The following FAM227B variants were observed in gnomAD, a reference collection of about 807,000 sequenced individuals.
FAM227B encodes family with sequence similarity 227 member B.
A neutral mutation model predicts 73.8 loss-of-function variants in FAM227B; 88 were observed. The ratio of observed to expected loss-of-function variants is 1.19; its 90% confidence interval spans 1.00 to 1.42. The LOEUF is 1.42. Among genes scored for constraint, FAM227B ranks in the 40% most tolerant of loss-of-function variants. The pLI, the probability that FAM227B is intolerant of heterozygous loss-of-function variation, is 0.00. For synonymous variants in FAM227B, 210 were observed against 190.5 expected, an observed-to-expected ratio of 1.10 and a Z score of -0.84; for missense variants, 632 against 590.9, an observed-to-expected ratio of 1.07 and a Z score of -0.72.
chr15:49,574,785 T>C, intron 8 of FAM227B: 1 of 272,222 alleles, frequency 3.7e-6, no homozygotes, highest in Admixed American at 5.0e-5. Context: ...ATATAATATA[T>C]GAAGTCTAAT....
At chr15:49,579,904 A>G (rs2075704054) in intron 5 of FAM227B, among the ~76,000 whole-genome samples, 1 of 152,190 alleles carries the variant, frequency 6.6e-6, no homozygotes, top group Non-Finnish European at 1.5e-5. Context: ...GTAAATAGGT[A>G]CAATGATTAT....
chr15:49,564,817 A>C (rs1298434216), intron 9 of FAM227B, among the ~76,000 whole-genome samples: 1 of 151,990 alleles, frequency 6.6e-6, no homozygotes, highest in Non-Finnish European at 1.5e-5. Context: ...AGATGAGAAC[A>C]ATAGACACTG....
At chr15:49,489,917 G>C (rs76227305) in intron 11 of FAM227B, among the ~76,000 whole-genome samples, 2 of 23,224 alleles carry the variant, frequency 8.6e-5, no homozygotes, top group Admixed American at 1.0e-3. Flanking sequence ...GAGAGAGACA[G>C]AGAGAGAGAC....
intron 10 of FAM227B, among the ~76,000 whole-genome samples, chr15:49,514,807 T>A (rs541518537): frequency 9.2e-5 from 14 of 152,154 alleles, no homozygotes; most frequent in Non-Finnish European, 1.6e-4. Flanking sequence ...ATGCTTTTGA[T>A]GTCTTAGCTA....
chr15:49,381,732 C>T lies in FAM227B; in HGVS notation c.1013-10333G>A, dbSNP rs182942218. On this transcript the variant is annotated intron_variant, in intron 11 of 15. Transcript: ENST00000299338. ...GTAAATATTAGAATGAGGAAGACAA[C>T]ACTAATTGTTTTTTGTTTTTACACG... Among the ~76,000 whole-genome samples the T allele has an allele frequency of 2.4e-3, 370 of 152,204 alleles. 4 individuals carry two copies. Among genetic ancestry groups the T allele is most frequent in the African/African-American group, 8.4e-3 (347 of 41,528 alleles).
At chr15:49,427,230 T>G (rs1399094771) in intron 11 of FAM227B, among the ~76,000 whole-genome samples, 1 of 152,052 alleles carries the variant, frequency 6.6e-6, no homozygotes, top group Non-Finnish European at 1.5e-5. Context: ...GCTCAGAATT[T>G]GTTTAAAATA....
chr15:49,517,508 A>G (rs1440630061), intron 10 of FAM227B, among the ~76,000 whole-genome samples: 4 of 152,176 alleles, frequency 2.6e-5, no homozygotes, highest in Non-Finnish European at 5.9e-5. Context: ...GTAAGTTGAG[A>G]AAATCATTCA....
intron 10 of FAM227B, among the ~76,000 whole-genome samples, chr15:49,531,301 G>A (rs1475067044): frequency 2.0e-5 from 3 of 151,492 alleles, no homozygotes; most frequent in Admixed American, 6.6e-5. Flanking sequence ...ATGTATCAAG[G>A]CACACCCTAC....
At chr15:49,427,003 C>T (rs2050188384) in intron 11 of FAM227B, among the ~76,000 whole-genome samples, 1 of 151,968 alleles carries the variant, frequency 6.6e-6, no homozygotes, top group East Asian at 1.9e-4. Flanking sequence ...GAGGATAAGC[C>T]ACTCTTTTTT....
chr15:49,535,525 C>A (rs977727383), intron 10 of FAM227B, among the ~76,000 whole-genome samples: 1 of 151,758 alleles, frequency 6.6e-6, no homozygotes, highest in Admixed American at 6.6e-5. Context: ...ACTCTTTAAA[C>A]TCTAGAAATA....
chr15:49,564,478 A>C (rs1002188756), intron 9 of FAM227B, among the ~76,000 whole-genome samples: 23 of 152,206 alleles, frequency 1.5e-4, no homozygotes, highest in African/African-American at 5.5e-4. Context: ...CAGGAATCCC[A>C]TAACAAGGCG....
intron 10 of FAM227B, among the ~76,000 whole-genome samples, chr15:49,527,992 T>C (rs1363408152): frequency 6.6e-6 from 1 of 151,704 alleles, no homozygotes; most frequent in Non-Finnish European, 1.5e-5. Flanking sequence ...TTTGACAGGA[T>C]TAGAAAAAAC....
intron 11 of FAM227B, among the ~76,000 whole-genome samples, chr15:49,465,408 T>C (rs1050827419): frequency 1.3e-5 from 2 of 152,002 alleles, no homozygotes; most frequent in Non-Finnish European, 2.9e-5. Context: ...AGTGCTGGGA[T>C]TACAGGCGTG....
At chr15:49,411,623 A>G (rs1185921107) in intron 11 of FAM227B, among the ~76,000 whole-genome samples, 3 of 152,124 alleles carry the variant, frequency 2.0e-5, no homozygotes, top group Non-Finnish European at 4.4e-5. Context: ...ATAGACTTTT[A>G]CTTAATCCTT....
intron 13 of FAM227B, among the ~76,000 whole-genome samples, chr15:49,364,942 T>C (rs542338788): frequency 2.0e-5 from 3 of 152,164 alleles, no homozygotes; most frequent in Non-Finnish European, 4.4e-5. Context: ...GGCACAACTT[T>C]AACATTAAAA....
In FAM227B at chr15:49,568,339, C is replaced by G. The variant is rs2074823834; in HGVS notation, c.653G>C (p.Arg218Thr). 1 of 1,605,498 alleles carries G rather than the reference C, an allele frequency of 6.2e-7. No individual in the cohort carries two copies. The highest frequency in any genetic ancestry group is 1.7e-5 in the Admixed American group (1 of 58,588). ...ATCGAATAAGCAATCTTGGTTTTCT[C>G]TGTCAGGCTTAAAAAAATGTGTGAA... ...WWFLHKFRPD[R>T]ENQDCLFDRI... The change falls in exon 9 of 16, where the codon AGA becomes ACA. Residue 218 changes from arginine to threonine, a missense_variant. By Grantham distance (71) the Arg-to-Thr change is moderately conservative. Coordinates refer to ENST00000299338, the MANE Select transcript of FAM227B (RefSeq NM_152647.3).
chr15:49,599,588 G>C (rs576898929), intron 3 of FAM227B, among the ~76,000 whole-genome samples: 2 of 152,120 alleles, frequency 1.3e-5, no homozygotes, highest in East Asian at 3.9e-4. Flanking sequence ...TTCCCTCTTA[G>C]AAATCCTTTG....
intron 9 of FAM227B, among the ~76,000 whole-genome samples, chr15:49,551,278 G>A (rs933147517): frequency 2.0e-5 from 3 of 152,080 alleles, no homozygotes; most frequent in African/African-American, 7.2e-5. Flanking sequence ...AGAGGGAGAG[G>A]GAGAGGGAGA....
chr15:49,580,816 C>T (rs1046388068), intron 5 of FAM227B, among the ~76,000 whole-genome samples: 13 of 152,104 alleles, frequency 8.5e-5, no homozygotes, highest in Admixed American at 6.6e-4. Context: ...AGCTGAAAAA[C>T]ACGCTAAAAG....
Sources: allele counts gnomAD v4.1 joint callset (sites outside exome capture counted in the v4.1 genomes callset), GRCh38; gene constraint gnomAD v4.1.1; transcripts MANE v1.5; gene names NCBI Gene and HGNC (gene_info 2026-07-23, HGNC 2026-07-21).